Variants in MYO5A observed in about 807,000 individuals in gnomAD.
MYO5A encodes myosin VA.
In MYO5A, 98 loss-of-function variants were observed where a neutral mutation model predicts 249.7. The ratio of observed to expected loss-of-function variants is 0.39; its 90% CI spans 0.33 to 0.46. The LOEUF (loss-of-function observed/expected upper bound fraction) is 0.46. MYO5A is among the 20% of genes least tolerant of loss of function. The pLI is 0.98. For missense variants in MYO5A, 1,696 were observed against 2,308.8 expected (o/e 0.73, Z 5.44); for synonymous variants, 778 against 810.6 (o/e 0.96, Z 0.68).
chr15:52,507,875 A>G (rs1025177909), intron 1 of MYO5A, among the ~76,000 whole-genome samples: 9 of 151,876 alleles, frequency 5.9e-5, no homozygotes, highest in Non-Finnish European at 1.3e-4. Context: ...ATAAGAAAAT[A>G]GATTTTTATA....
chr15:52,314,152 CTCTT>C lies in MYO5A; in HGVS notation c.5457_5460del (p.Arg1820SerfsTer43), dbSNP rs1341273075. ...ATAGTACGAATGAACGACACAGAGA[CTCTT>C]TCTTCAAACTCATTAACTGGAGTAT... is the stretch of plus-strand genomic sequence containing the variant. On this transcript the variant is annotated frameshift_variant, in exon 41 of 42. Coordinates refer to ENST00000399233, the MANE Select transcript of MYO5A (RefSeq NM_001382347.1). LOFTEE classifies it high-confidence loss of function. 6.2e-7 allele frequency: 1 copy of C among 1,611,992 alleles called. No individual in the cohort carries two copies. The highest frequency in any genetic ancestry group is 8.5e-7 in the Non-Finnish European group (1 of 1,178,590).
At chr15:52,418,252 G>A (rs775538831) in intron 4 of MYO5A, among the ~76,000 whole-genome samples, 1 of 152,134 alleles carries the variant, frequency 6.6e-6, no homozygotes, top group Non-Finnish European at 1.5e-5. Flanking sequence ...CTGGGTACTG[G>A]GTGCTTTGGA....
intron 1 of MYO5A, among the ~76,000 whole-genome samples, chr15:52,460,385 C>G (rs1308550451): frequency 6.6e-6 from 1 of 152,248 alleles, no homozygotes; most frequent in Non-Finnish European, 1.5e-5. Flanking sequence ...GAGACTCCGT[C>G]TACAATCCCG....
chr15:52,450,991 A>G (rs1358059482), intron 1 of MYO5A, among the ~76,000 whole-genome samples: 1 of 8,788 alleles, frequency 1.1e-4, no homozygotes, highest in East Asian at 3.3e-3. Flanking sequence ...CAGGAGTTTA[A>G]ATGCCAATTT....
chr15:52,324,717 G>GA (rs1295807906), intron 36 of MYO5A, among the ~76,000 whole-genome samples: 1 of 152,086 alleles, frequency 6.6e-6, no homozygotes, highest in East Asian at 1.9e-4. Flanking sequence ...ATATCATGGG[G>GA]AAAGATGGGT....
chr15:52,468,539 G>A (rs2076396487), intron 1 of MYO5A, among the ~76,000 whole-genome samples: 1 of 151,936 alleles, frequency 6.6e-6, no homozygotes, highest in African/African-American at 2.4e-5. Context: ...GTGTGGTGGT[G>A]TGCACCTGTA....
intron 1 of MYO5A, among the ~76,000 whole-genome samples, chr15:52,457,337 G>T (rs1480223477): frequency 6.6e-6 from 1 of 151,562 alleles, no homozygotes; most frequent in African/African-American, 2.4e-5. Context: ...GGCTGAGGTG[G>T]GAGAAGCGCT....
intron 18 of MYO5A, among the ~76,000 whole-genome samples, chr15:52,377,907 C>T (rs968138453): frequency 1.3e-5 from 2 of 152,164 alleles, no homozygotes; most frequent in Non-Finnish European, 2.9e-5. Context: ...CAGAGAAAAT[C>T]ATTTTTCCCT....
chr15:52,424,017 C>G (rs1048809754), intron 4 of MYO5A, among the ~76,000 whole-genome samples: 8 of 152,190 alleles, frequency 5.3e-5, no homozygotes, highest in Non-Finnish European at 1.0e-4. Flanking sequence ...TTTTTAGAGT[C>G]TAGCCACCCA....
In MYO5A at chr15:52,479,484, T is replaced by C. The variant is rs112979028; in HGVS notation, c.28-46199A>G. On this transcript the variant is annotated intron_variant, in intron 1 of 41. Coordinates refer to ENST00000399233, the MANE Select transcript of MYO5A (RefSeq NM_001382347.1). ...CAATATATTTATTTTTAAAAATCCATGTGTAAGTGGACCCATGCAGTTCAA... is the reference window on the plus strand; with the variant it reads ...CAATATATTTATTTTTAAAAATCCACGTGTAAGTGGACCCATGCAGTTCAA... 9.2e-4 allele frequency among the ~76,000 whole-genome samples: 140 copies of C among 152,200 alleles called. 1 individual carries two copies. Among genetic ancestry groups the C allele is most frequent in the African/African-American group, 3.2e-3 (131 of 41,522 alleles).
intron 11 of MYO5A, among the ~76,000 whole-genome samples, chr15:52,395,103 C>A (rs2042428711): frequency 6.6e-6 from 1 of 152,164 alleles, no homozygotes; most frequent in South Asian, 2.1e-4. Context: ...TCTCCCCAAC[C>A]CCAATCTCGC....
At chr15:52,441,970 G>A (rs1312577688) in intron 1 of MYO5A, among the ~76,000 whole-genome samples, 1 of 152,212 alleles carries the variant, frequency 6.6e-6, no homozygotes, top group Non-Finnish European at 1.5e-5. Context: ...AAAATCTTCT[G>A]AAAGGCTCTG....
chr15:52,482,153 A>G (rs1161756393), intron 1 of MYO5A, among the ~76,000 whole-genome samples: 1 of 152,218 alleles, frequency 6.6e-6, no homozygotes, highest in Admixed American at 6.5e-5. Context: ...GAAAGATGAA[A>G]GAGGCATGCA....
At chr15:52,410,696 C>A (rs1462793114) in intron 5 of MYO5A, among the ~76,000 whole-genome samples, 1 of 151,234 alleles carries the variant, frequency 6.6e-6, no homozygotes, top group Non-Finnish European at 1.5e-5. Flanking sequence ...AAGTGATTCT[C>A]CTGCCTCAGC....
chr15:52,414,065 T>C (rs898772790), intron 5 of MYO5A, among the ~76,000 whole-genome samples: 5 of 152,178 alleles, frequency 3.3e-5, no homozygotes, highest in African/African-American at 1.2e-4. Flanking sequence ...GACAAATCTA[T>C]AGTGAAAGCC....
intron 1 of MYO5A, among the ~76,000 whole-genome samples, chr15:52,509,348 G>T (rs549868037): frequency 6.6e-6 from 1 of 152,136 alleles, no homozygotes; most frequent in Non-Finnish European, 1.5e-5. Context: ...TCACATATAA[G>T]AAAGGATCTT....
chr15:52,519,149 T>C (rs1287751528), intron 1 of MYO5A, among the ~76,000 whole-genome samples: 3 of 152,194 alleles, frequency 2.0e-5, no homozygotes, highest in Non-Finnish European at 4.4e-5. Flanking sequence ...GCACAATTCT[T>C]ACTGTTGTGC....
At position 52,410,422 on chromosome 15, in the gene MYO5A, A is replaced by G; in HGVS notation, c.667T>C (p.Tyr223His). The change falls in exon 6 of 42, where the codon TAT (tyrosine) becomes CAT (histidine). Residue 223 changes from tyrosine (Y) to histidine (H), a missense_variant. Tyr to His is a moderately conservative substitution (Grantham distance 83, BLOSUM62 2). Coordinates refer to ENST00000399233, the MANE Select transcript of MYO5A (RefSeq NM_001382347.1). ...RNDNSSRFGKYIEIGFDKRYR... is the reference protein window; with the variant it reads ...RNDNSSRFGKHIEIGFDKRYR... ...CTCTTATCAAAACCAATCTCAATAT[A>G]CTTCCCAAAACGGCTGCTATTATCA... 6.2e-7 allele frequency: 1 copy of G among 1,613,526 alleles called. No homozygotes were observed. The highest frequency in any genetic ancestry group is 8.5e-7 in the Non-Finnish European group (1 of 1,179,490).
intron 34 of MYO5A, among the ~76,000 whole-genome samples, chr15:52,330,933 C>T (rs1327323109): frequency 6.6e-6 from 1 of 152,158 alleles, no homozygotes; most frequent in African/African-American, 2.4e-5. Context: ...AGAAACAATT[C>T]CCCCTTGCTC....
Sources: gnomAD v4.1 joint callset for allele counts (sites outside exome capture counted in the v4.1 genomes callset) on GRCh38, gnomAD v4.1.1 for gene constraint, MANE v1.5 for transcripts, NCBI Gene and HGNC (gene_info 2026-07-23, HGNC 2026-07-21) for gene names.